Variants in DLGAP2 observed in about 807,000 individuals in gnomAD.
DLGAP2 encodes DLG associated protein 2, also known as disks large-associated protein 2.
DLGAP2 carries 26 observed loss-of-function variants against 100.3 expected under a neutral mutation model. The observed-to-expected ratio is 0.26, with a 90% CI of 0.19 to 0.36. The LOEUF (loss-of-function observed/expected upper bound fraction) is 0.36. Ranked by LOEUF, DLGAP2 falls within the 10% of genes least tolerant of loss-of-function variation. The pLI, the probability that DLGAP2 is intolerant of heterozygous loss-of-function variation, is 1.00. For missense variants in DLGAP2, 1,858 were observed against 1,453.2 expected, an observed-to-expected ratio of 1.28 and a Z score of -4.53; for synonymous variants, 886 against 630.1, an observed-to-expected ratio of 1.41 and a Z score of -6.08.
intron 3 of DLGAP2, among the ~76,000 whole-genome samples, chr8:1,337,259 G>T (rs1229623201): frequency 6.8e-6 from 1 of 146,994 alleles, no homozygotes; most frequent in African/African-American, 2.5e-5. Flanking sequence ...GATGATGGTG[G>T]TGATGATGAG....
At chr8:987,594 A>G (rs1438835138) in intron 2 of DLGAP2, among the ~76,000 whole-genome samples, 1 of 152,170 alleles carries the variant, frequency 6.6e-6, no homozygotes, top group Non-Finnish European at 1.5e-5. Flanking sequence ...CAAACAAAAT[A>G]GACAAACTGC....
chr8:1,386,768 C>T (rs1393578026), intron 3 of DLGAP2, among the ~76,000 whole-genome samples: 2 of 151,760 alleles, frequency 1.3e-5, no homozygotes, highest in South Asian at 2.1e-4. Flanking sequence ...GCATAGAATG[C>T]GGCAAGAAGG....
intron 2 of DLGAP2, among the ~76,000 whole-genome samples, chr8:1,222,725 T>C (rs1459913968): frequency 1.3e-5 from 2 of 151,966 alleles, no homozygotes; most frequent in African/African-American, 2.4e-5. Flanking sequence ...GCAGAAGTGC[T>C]CTGATGGTCA....
chr8:1,545,844 A>G (rs1450898723), intron 4 of DLGAP2, among the ~76,000 whole-genome samples: 2 of 152,240 alleles, frequency 1.3e-5, no homozygotes, highest in Admixed American at 6.5e-5. Flanking sequence ...AGCCACATTC[A>G]TAACATAGCT....
intron 3 of DLGAP2, among the ~76,000 whole-genome samples, chr8:1,304,089 A>G (rs1429966317): frequency 6.6e-6 from 1 of 152,196 alleles, no homozygotes; most frequent in Non-Finnish European, 1.5e-5. Flanking sequence ...GAGGGGTTTT[A>G]CTGCATTCTT....
intron 4 of DLGAP2, among the ~76,000 whole-genome samples, chr8:1,512,071 C>T (rs750701487): frequency 5.3e-5 from 8 of 152,216 alleles, no homozygotes; most frequent in Non-Finnish European, 1.2e-4. Context: ...AGCCCTGTGA[C>T]GCATCAGCCC....
At chr8:1,315,374 G>A (rs191576407) in intron 3 of DLGAP2, among the ~76,000 whole-genome samples, 24 of 141,678 alleles carry the variant, frequency 1.7e-4, no homozygotes, top group African/African-American at 3.3e-4. Flanking sequence ...CGAGTGCAGC[G>A]TCTCTCCAAC....
intron 2 of DLGAP2, among the ~76,000 whole-genome samples, chr8:1,020,397 A>T (rs145143593): frequency 6.4e-4 from 97 of 152,312 alleles, no homozygotes; most frequent in Non-Finnish European, 1.2e-3. Context: ...TCTCTAATCC[A>T]AGCCCTCTGT....
At chr8:1,587,705 A>G (rs1166892279) in intron 6 of DLGAP2, among the ~76,000 whole-genome samples, 2 of 152,064 alleles carry the variant, frequency 1.3e-5, no homozygotes, top group Admixed American at 6.6e-5. Context: ...ACTATTAATT[A>G]TTTTTCTTTC....
Position 1,676,594 on chromosome 8 carries a change from G to C in DLGAP2, c.2264G>C (p.Gly755Ala). 3 of 1,613,220 alleles carry C rather than the reference G, an allele frequency of 1.9e-6. No homozygotes were observed. The highest frequency in any genetic ancestry group is 2.5e-6 in the Non-Finnish European group (3 of 1,179,632). Reference sequence around the variant, plus strand: ...GGTCTGCGGGAATACCACTCTGTCGGGGTGCAAGTGGAAGATGAGAAGCGG... The same window carrying C: ...GGTCTGCGGGAATACCACTCTGTCGCGGTGCAAGTGGAAGATGAGAAGCGG... The part of the protein sequence containing the change: ...SRGLREYHSV[G>A]VQVEDEKRHG... The change falls in exon 11 of 15, where the codon GGG (glycine) becomes GCG (alanine). Residue 755 changes from glycine (G) to alanine (A), a missense_variant. Gly to Ala is a moderately conservative substitution (Grantham distance 60, BLOSUM62 0). Transcript: ENST00000637795.
chr8:1,416,771 G>C (rs1796897100), intron 3 of DLGAP2, among the ~76,000 whole-genome samples: 1 of 152,192 alleles, frequency 6.6e-6, no homozygotes, highest in Non-Finnish European at 1.5e-5. Flanking sequence ...TAAGAGGAGA[G>C]CCTGGGGGCG....
chr8:1,489,681 C>A (rs1036625725), intron 3 of DLGAP2, among the ~76,000 whole-genome samples: 4 of 152,158 alleles, frequency 2.6e-5, no homozygotes, highest in Admixed American at 2.6e-4. Context: ...CATCAGAGCC[C>A]ATCGCTGTGA....
At chr8:1,422,653 G>A (rs745968981) in intron 3 of DLGAP2, among the ~76,000 whole-genome samples, 10 of 152,016 alleles carry the variant, frequency 6.6e-5, no homozygotes, top group South Asian at 2.1e-4. Flanking sequence ...TGGAGGGCAC[G>A]GCTGGTGTGT....
intron 2 of DLGAP2, among the ~76,000 whole-genome samples, chr8:1,241,568 T>C (rs1241184664): frequency 6.6e-6 from 1 of 152,266 alleles, no homozygotes; most frequent in East Asian, 1.9e-4. Context: ...TTTGATCCAG[T>C]TCTCTCCTGG....
intron 3 of DLGAP2, among the ~76,000 whole-genome samples, chr8:1,334,411 C>G (rs371205718): frequency 1.2e-4 from 19 of 152,298 alleles, no homozygotes; most frequent in African/African-American, 4.6e-4. Flanking sequence ...GTGGATATGT[C>G]AAGGAGTCGG....
chr8:988,507 A>G (rs1415064663), intron 2 of DLGAP2, among the ~76,000 whole-genome samples: 1 of 152,220 alleles, frequency 6.6e-6, no homozygotes, highest in Non-Finnish European at 1.5e-5. Context: ...TTGTTTGGCA[A>G]CAACAGGCCT....
chr8:947,742 C>G (rs569522556), intron 2 of DLGAP2, among the ~76,000 whole-genome samples: 12 of 152,346 alleles, frequency 7.9e-5, no homozygotes, highest in African/African-American at 2.6e-4. Flanking sequence ...CCACCCGTCA[C>G]TTTTGAGGAT....
At chr8:918,357 G>T (rs140882622) in intron 2 of DLGAP2, among the ~76,000 whole-genome samples, 3 of 152,214 alleles carry the variant, frequency 2.0e-5, no homozygotes, top group African/African-American at 2.4e-5. Flanking sequence ...TAAGCCATTC[G>T]TAGAATTAGG....
At chr8:1,267,592 A>ATT (rs1799486388) in intron 3 of DLGAP2, among the ~76,000 whole-genome samples, 4 of 40,382 alleles carry the variant, frequency 9.9e-5, no homozygotes, top group African/African-American at 4.1e-4. Context: ...ATAAAATAAG[A>ATT]TAAGATAAGA....
Sources: allele counts gnomAD v4.1 joint callset (sites outside exome capture counted in the v4.1 genomes callset), GRCh38; gene constraint gnomAD v4.1.1; transcripts MANE v1.5; gene names NCBI Gene and HGNC (gene_info 2026-07-23, HGNC 2026-07-21).